The following KCNQ2 variants were observed in gnomAD, a reference collection of about 807,000 sequenced individuals.
KCNQ2 encodes the protein potassium voltage-gated channel subfamily KQT member 2.
A neutral mutation model predicts 84.8 loss-of-function variants in KCNQ2; 14 were observed. That is an observed-to-expected ratio of 0.17 (90% CI 0.11 to 0.26). KCNQ2 has a LOEUF of 0.26. Among genes scored for constraint, KCNQ2 ranks in the 10% least tolerant of loss-of-function variants. KCNQ2 has a pLI of 1.00. For synonymous variants in KCNQ2, 599 were observed against 554.1 expected, an observed-to-expected ratio of 1.08 and a Z score of -1.14; for missense variants, 788 against 1,254.0, an observed-to-expected ratio of 0.63 and a Z score of 5.61.
Position 63,446,676 on chromosome 20 carries a change from G to A in KCNQ2, c.387+71C>T. On this transcript the variant is annotated intron_variant, in intron 2 of 16. Coordinates refer to ENST00000359125, the MANE Select transcript of KCNQ2 (RefSeq NM_172107.4). The surrounding 1 kb of genome is among the most constrained non-coding windows in gnomAD (Gnocchi z 5.5). ...CAGAGGCCCTGTAGTAACAGGAACG[G>A]AAGACAGACGCCCAGGCAGCTCCAG... 3.0e-6 allele frequency: 4 copies of A among 1,316,826 alleles called. No homozygotes were observed. Among genetic ancestry groups the A allele is most frequent in the Non-Finnish European group, 4.4e-6 (4 of 911,350 alleles). The allele number at this position is 1,316,826 out of a possible 1,614,324, so 81.6% of individuals were successfully genotyped here.
chr20:63,444,877 C>A, intron 3 of KCNQ2, 43 bp from the exon 4 acceptor site: 1 of 1,540,880 alleles, frequency 6.5e-7, no homozygotes, highest in South Asian at 1.2e-5. Context: ...GGGCCGCTCC[C>A]CGCACCCCCT....
chr20:63,444,546 A>G, intron 4 of KCNQ2, 113 bp downstream of exon 4: 1 of 848,180 alleles, frequency 1.2e-6, no homozygotes, highest in Non-Finnish European at 1.7e-6. Context: ...CACTGACTCC[A>G]TCCCTCCACC....
At position 63,416,456 on chromosome 20, in the gene KCNQ2, C is replaced by A. The variant is rs540799027; in HGVS notation, c.1302-1330G>T. ...TCCTGAGGTCTGGAAAGCATCAGAA[C>A]CCCCTGGCTCCCTTGAGGACAGTGG... On this transcript the variant is annotated intron_variant, in intron 12 of 16. Coordinates refer to ENST00000359125, the MANE Select transcript of KCNQ2 (RefSeq NM_172107.4). Among the ~76,000 whole-genome samples, 875 of 152,318 alleles carry A rather than the reference C, an allele frequency of 5.7e-3. 6 individuals are homozygous for A. Among genetic ancestry groups the A allele is most frequent in the African/African-American group, 0.019 (805 of 41,554 alleles).
rs547887704 is a variant in KCNQ2 at position 63,442,544 on chromosome 20, C to T, written c.691-13G>A. On this transcript the variant is annotated splice_polypyrimidine_tract_variant and intron_variant, in intron 4 of 16. Transcript: ENST00000359125. ...CAGTGACCAGCTCCTGAGAGGCAGA[C>T]GGCACCACCATCATGACCACCATCA... 76 of 1,612,720 alleles carry T rather than the reference C, an allele frequency of 4.7e-5. No homozygotes were observed. In the East Asian group the frequency reaches 5.6e-4, roughly 12 times the overall value.
Position 63,438,897 on chromosome 20 carries a change from A to G in KCNQ2, c.928-177T>C, listed in dbSNP as rs1445512635. Among the ~76,000 whole-genome samples the G allele has an allele frequency of 7.2e-6, 1 of 138,758 alleles. No homozygotes were observed. Among genetic ancestry groups the G allele is most frequent in the Non-Finnish European group, 1.5e-5 (1 of 64,720 alleles). The allele number at this position is 138,758 out of a possible 152,430, so 91.0% of individuals were successfully genotyped here. A position where few individuals can be genotyped will look rare whatever the true frequency, so the allele number is the denominator to read the frequency against. On this transcript the variant is annotated intron_variant, in intron 6 of 16. Transcript: ENST00000359125. This position sits in a 1 kb window ranked among gnomAD's most constrained non-coding sequence, Gnocchi z 5.1. The stretch of plus-strand genomic sequence containing the variant: ...CAGACCACGCCCCAGGGACTCACAC[A>G]CCCCCCAGTTCATCAGGGTCAGACC...
At position 63,445,786 on chromosome 20, in the gene KCNQ2, C is replaced by G. The variant is rs1224416175; in HGVS notation, c.388-422G>C. Among the ~76,000 whole-genome samples, 17 of 147,352 alleles carry G rather than the reference C, an allele frequency of 1.2e-4. 2 individuals carry two copies. Among genetic ancestry groups the G allele is most frequent in the African/African-American group, 4.0e-4 (16 of 39,854 alleles). ...GGGACCCTGTCTGAGCTGGGGGACC[C>G]TGTCTGAGCTGGGAGGCCCTGTCTG... is the stretch of plus-strand genomic sequence containing the variant. On this transcript the variant is annotated intron_variant, in intron 2 of 16. Transcript: ENST00000359125.
chr20:63,457,790 G>C (rs2081842595), intron 1 of KCNQ2, among the ~76,000 whole-genome samples: 1 of 152,214 alleles, frequency 6.6e-6, no homozygotes, highest in African/African-American at 2.4e-5. Flanking sequence ...CCCAGAAAGA[G>C]GGGGCATCCG....
chr20:63,406,740 G>A lies in KCNQ2; in HGVS notation c.2523C>T (p.Thr841=), dbSNP rs760979156. Residue 841 remains threonine, a synonymous_variant, in exon 17 of 17, where the codon ACC becomes ACT. Coordinates refer to ENST00000359125, the MANE Select transcript of KCNQ2 (RefSeq NM_172107.4). ...CGCACGGGGTACAGAGGTCGGAGTC[G>A]GTGTCTGACTCTCCCTCCGCAATGT... ...RPYIAEGESD[T]DSDLCTPCGP... is the part of the protein sequence containing the mutation. The A allele has an allele frequency of 1.6e-5, 25 of 1,611,046 alleles. No homozygotes were observed. The highest frequency in any genetic ancestry group is 2.2e-5 in the East Asian group (1 of 44,798).
rs113526257 is a variant in KCNQ2 at position 63,446,213 on chromosome 20, G to A, written c.387+534C>T. 6,912 of 254,106 alleles carry A rather than the reference G, an allele frequency of 0.027. 130 individuals carry two copies. Among genetic ancestry groups the A allele is most frequent in the Non-Finnish European group, 0.037 (4,820 of 129,144 alleles). The allele number at this position is 254,106 out of a possible 1,614,324, so 15.7% of individuals were successfully genotyped here. On this transcript the variant is annotated intron_variant, in intron 2 of 16. Coordinates refer to ENST00000359125, the MANE Select transcript of KCNQ2 (RefSeq NM_172107.4). The surrounding 1 kb of genome is among the most constrained non-coding windows in gnomAD (Gnocchi z 5.5). ...ACAGTCTCCACCCAGACCTTGGGAA[G>A]CCCCAGAACAGAGGAGCAGGGCGGG...
In KCNQ2 at chr20:63,406,596, C is replaced by A; in HGVS notation, c.*48G>T. On this transcript the variant is annotated 3_prime_UTR_variant, in exon 17 of 17. Transcript: ENST00000359125. Reference sequence around the variant, plus strand: ...GGTTCCCGCCTCAAAACCTCGGAGGCACCGTGCTGAGGAGGGCCGCGGGCG... The same window carrying A: ...GGTTCCCGCCTCAAAACCTCGGAGGAACCGTGCTGAGGAGGGCCGCGGGCG... 2 of 1,537,778 alleles carry A rather than the reference C, an allele frequency of 1.3e-6. No individual in the cohort carries two copies. Among genetic ancestry groups the A allele is most frequent in the African/African-American group, 1.4e-5 (1 of 73,428 alleles).
At chr20:63,428,617 G>A (rs568692042) in intron 9 of KCNQ2, among the ~76,000 whole-genome samples, 182 bp from the exon 10 acceptor site, 2 of 152,324 alleles carry the variant, frequency 1.3e-5, no homozygotes, top group East Asian at 3.9e-4. Flanking sequence ...CCTCTCTTGG[G>A]CAGGCCTGGG....
chr20:63,472,235 G>C lies in KCNQ2; in HGVS notation c.229C>G (p.Leu77Val). ...AGCACGTTGTAGAGGAAATTCTGCA[G>C]CTTGCGGTAGAAGGCGTTGCGCTTG... ...PPKRNAFYRKLQNFLYNVLER... is the reference protein window; with the variant it reads ...PPKRNAFYRKVQNFLYNVLER... Residue 77 changes from leucine (L) to valine (V), a missense_variant, in exon 1 of 17, where the codon CTG (leucine) becomes GTG (valine). Coordinates refer to ENST00000359125, the MANE Select transcript of KCNQ2 (RefSeq NM_172107.4). 2 of 1,543,102 alleles carry C rather than the reference G, an allele frequency of 1.3e-6. No homozygotes were observed. Among genetic ancestry groups the C allele is most frequent in the Non-Finnish European group, 1.7e-6 (2 of 1,145,024 alleles).
At chr20:63,442,665 C>T (rs878948439) in intron 4 of KCNQ2, 134 bp from the exon 5 acceptor site, 14 of 205,688 alleles carry the variant, frequency 6.8e-5, no homozygotes, top group Non-Finnish European at 8.5e-5. Context: ...ACCACCATCA[C>T]CACCACCACC....
At position 63,436,387 on chromosome 20, in the gene KCNQ2, C is replaced by T. The variant is rs1450201870; in HGVS notation, c.1023+2238G>A. Reference sequence around the variant, plus strand: ...TCTACTAAAAATACAAAAAATTAGCCAGGCGTGGTGGTGGGTGCCTGTAGT... The same window carrying T: ...TCTACTAAAAATACAAAAAATTAGCTAGGCGTGGTGGTGGGTGCCTGTAGT... On this transcript the variant is annotated intron_variant, in intron 7 of 16. Coordinates refer to ENST00000359125, the MANE Select transcript of KCNQ2 (RefSeq NM_172107.4). 4.6e-5 allele frequency among the ~76,000 whole-genome samples: 7 copies of T among 152,254 alleles called. No individual in the cohort carries two copies. In the East Asian group the frequency reaches 9.7e-4, roughly 21 times the overall value.
At chr20:63,420,161 G>A in intron 11 of KCNQ2, among the ~76,000 whole-genome samples, 1 of 152,196 alleles carries the variant, frequency 6.6e-6, no homozygotes, top group East Asian at 1.9e-4. Flanking sequence ...GTTGGAGGTG[G>A]GTCTCGGTTT....
chr20:63,413,898 G>A (rs954622647), intron 14 of KCNQ2, among the ~76,000 whole-genome samples, 190 bp downstream of exon 14: 14 of 152,182 alleles, frequency 9.2e-5, no homozygotes, highest in Admixed American at 6.5e-4. Flanking sequence ...CCCGAAACCC[G>A]CCTGAGTCCC....
At chr20:63,455,547 TCTC>T (rs1367642679) in intron 1 of KCNQ2, among the ~76,000 whole-genome samples, 1 of 151,826 alleles carries the variant, frequency 6.6e-6, no homozygotes, top group East Asian at 1.9e-4. Flanking sequence ...CAGCGGGGGA[TCTC>T]CTCCTGGGAC....
At chr20:63,457,737 A>T (rs2081840750) in intron 1 of KCNQ2, among the ~76,000 whole-genome samples, 1 of 152,186 alleles carries the variant, frequency 6.6e-6, no homozygotes, top group South Asian at 2.1e-4. Flanking sequence ...AGCCCCCTGC[A>T]TTGCTGCAGC....
chr20:63,423,847 C>CACTAACAGAGGAGGGAGA, intron 11 of KCNQ2: 1 of 421,294 alleles, frequency 2.4e-6, no homozygotes, highest in East Asian at 4.8e-5. Context: ...CTGGAGGGAG[C>CACTAACAGAGGAGGGAGA]GCACTAACAG....
Sources: gnomAD v4.1 joint callset for allele counts (sites outside exome capture counted in the v4.1 genomes callset) on GRCh38, gnomAD v4.1.1 for gene constraint, Gnocchi (gnomAD v3.1) non-coding constraint, MANE v1.5 for transcripts, NCBI Gene and HGNC (gene_info 2026-07-23, HGNC 2026-07-21) for gene names.